Variants in ITPR1 observed in about 807,000 individuals in gnomAD.
ITPR1 encodes inositol 1,4,5-trisphosphate-gated calcium channel ITPR1.
Under a neutral mutation model 318.4 loss-of-function variants are expected in ITPR1, and 96 were observed. The observed-to-expected ratio is 0.30, with a 90% CI of 0.26 to 0.36. ITPR1 has a LOEUF of 0.36. Among genes scored for constraint, ITPR1 ranks in the 10% least tolerant of loss-of-function variants. ITPR1 has a pLI of 1.00. For missense variants in ITPR1, 2,440 were observed against 3,460.2 expected (o/e 0.71, Z 7.40); for synonymous variants, 1,312 against 1,289.9 (o/e 1.02, Z -0.37).
Position 4,644,119 on chromosome 3 carries a change from G to C in ITPR1, c.526-17G>C. 6.4e-7 allele frequency: 1 copy of C among 1,567,052 alleles called. No individual in the cohort carries two copies. The highest frequency in any genetic ancestry group is 1.7e-5 in the Admixed American group (1 of 58,412). ...TATCAGTTTTGTGCAAAGCTCTATTGCTCCTTTCCATTCCAGGTGGTCATA... is the reference window on the plus strand; with the variant it reads ...TATCAGTTTTGTGCAAAGCTCTATTCCTCCTTTCCATTCCAGGTGGTCATA... On this transcript the variant is annotated splice_polypyrimidine_tract_variant and intron_variant, in intron 7 of 61. Transcript: ENST00000649015.
intron 4 of ITPR1, among the ~76,000 whole-genome samples, chr3:4,580,137 G>A (rs983380973): frequency 2.0e-5 from 3 of 152,030 alleles, no homozygotes; most frequent in East Asian, 3.9e-4. Context: ...GTGAACCCGG[G>A]AGGCGGAGCT....
chr3:4,768,799 C>T (rs943785545), intron 46 of ITPR1, 35 bp downstream of exon 46: 18 of 1,581,584 alleles, frequency 1.1e-5, no homozygotes, highest in African/African-American at 5.4e-5. Context: ...GGAGGGAGCT[C>T]GGGAAAGGCT....
chr3:4,749,270 C>T (rs1006624451), intron 44 of ITPR1: 2 of 152,194 alleles, frequency 1.3e-5, no homozygotes, highest in Non-Finnish European at 2.9e-5. Flanking sequence ...GGCACCTTTT[C>T]AGTTGCTCAC....
At chr3:4,689,326 C>T (rs540384275) in intron 31 of ITPR1, among the ~76,000 whole-genome samples, 52 of 137,936 alleles carry the variant, frequency 3.8e-4, no homozygotes, top group Non-Finnish European at 5.8e-4. Context: ...CACTCACTCA[C>T]TCAGTAGTAC....
intron 44 of ITPR1, among the ~76,000 whole-genome samples, chr3:4,745,803 A>G (rs1015241538): frequency 1.3e-5 from 2 of 152,092 alleles, no homozygotes; most frequent in Non-Finnish European, 2.9e-5. Flanking sequence ...GGACCCCATG[A>G]CACTGTCATC....
intron 19 of ITPR1, among the ~76,000 whole-genome samples, chr3:4,670,293 T>A (rs572550380): frequency 1.1e-4 from 17 of 152,248 alleles, no homozygotes; most frequent in Non-Finnish European, 2.5e-4. Flanking sequence ...CGTCCTGAGC[T>A]AGTGATACTT....
intron 48 of ITPR1, 42 bp downstream of exon 48, chr3:4,777,416 G>GTCA: frequency 7.8e-7 from 1 of 1,280,408 alleles, no homozygotes; most frequent in South Asian, 1.3e-5. Flanking sequence ...TTTGGAAACA[G>GTCA]TCACTTTTGT....
At chr3:4,571,164 C>T (rs773387868) in intron 4 of ITPR1, among the ~76,000 whole-genome samples, 40 of 152,104 alleles carry the variant, frequency 2.6e-4, no homozygotes, top group Admixed American at 2.3e-3. Context: ...GGGGCAGAGC[C>T]GGCCTGCCCA....
chr3:4,553,005 A>G (rs2085725246), intron 4 of ITPR1, among the ~76,000 whole-genome samples: 1 of 152,224 alleles, frequency 6.6e-6, no homozygotes, highest in Non-Finnish European at 1.5e-5. Context: ...CGTTGACCCC[A>G]GCATCCCCAA....
At chr3:4,816,075 A>AT (rs1439012966) in intron 59 of ITPR1, 7 of 152,110 alleles carry the variant, frequency 4.6e-5, no homozygotes, top group Non-Finnish European at 7.3e-5. Context: ...TTTAGTACAC[A>AT]TTTCCTAAAA....
rs200496910 is a variant in ITPR1 at position 4,718,615 on chromosome 3, G to A, written c.5136+1216G>A. ...ACAGTGACTAAATCAGGACAAACAC[G>A]TGGCTGGCTTTCCTGATGTGCTTAC... is the stretch of plus-strand genomic sequence containing the variant. On this transcript the variant is annotated intron_variant, in intron 40 of 61. Transcript: ENST00000649015. 6.6e-5 allele frequency among the ~76,000 whole-genome samples: 10 copies of A among 152,192 alleles called. No individual in the cohort carries two copies. In the East Asian group the frequency reaches 9.6e-4, roughly 15 times the overall value.
chr3:4,643,562 C>T (rs548763270), intron 7 of ITPR1, among the ~76,000 whole-genome samples: 1 of 150,742 alleles, frequency 6.6e-6, no homozygotes, highest in South Asian at 2.1e-4. Flanking sequence ...AAAGATCAGA[C>T]TGTGTTACAT....
intron 4 of ITPR1, among the ~76,000 whole-genome samples, chr3:4,539,883 G>A (rs1264988242): frequency 6.6e-6 from 1 of 150,696 alleles, no homozygotes; most frequent in Non-Finnish European, 1.5e-5. Flanking sequence ...CTCTGACTTG[G>A]ATCTTCTTAC....
Position 4,645,651 on chromosome 3 carries a change from C to A in ITPR1, c.778C>A (p.Gln260Lys), listed in dbSNP as rs936157458. Residue 260 changes from glutamine (Q) to lysine (K), a missense_variant, in exon 10 of 62, where the codon CAG becomes AAG. Gln to Lys is a moderately conservative substitution (Grantham distance 53). Around this residue, in one of 23 missense-constraint regions of ITPR1, gnomAD observed 186 missense variants for 323.9 expected, o/e 0.57. Coordinates refer to ENST00000649015, the MANE Select transcript of ITPR1 (RefSeq NM_001378452.1). ...CACCTGTGACGAACACAGGAAGAAG[C>A]AGCACGTCTTCCTGAGAACCACGGG... Reference protein sequence around the residue: ...FLTCDEHRKKQHVFLRTTGRQ... With the variant: ...FLTCDEHRKKKHVFLRTTGRQ... 6.2e-7 allele frequency: 1 copy of A among 1,613,316 alleles called. No individual in the cohort carries two copies. Among genetic ancestry groups the A allele is most frequent in the Non-Finnish European group, 8.5e-7 (1 of 1,179,582 alleles).
intron 11 of ITPR1, among the ~76,000 whole-genome samples, chr3:4,652,730 T>G (rs1169848048): frequency 6.6e-6 from 1 of 152,176 alleles, no homozygotes; most frequent in African/African-American, 2.4e-5. Context: ...CTTAAATGTC[T>G]GTGAAGGGGC....
intron 44 of ITPR1, among the ~76,000 whole-genome samples, chr3:4,744,918 T>C (rs866389712): frequency 3.3e-5 from 1 of 30,520 alleles, no homozygotes; most frequent in African/African-American, 9.3e-5. Flanking sequence ...CCTTCCTTCC[T>C]TCCTTCCTTC....
intron 4 of ITPR1, among the ~76,000 whole-genome samples, chr3:4,569,519 C>T (rs1459849814): frequency 1.3e-5 from 2 of 152,188 alleles, no homozygotes; most frequent in African/African-American, 4.8e-5. Context: ...TGCTGATTCT[C>T]TGTGTTGGCC....
Position 4,768,542 on chromosome 3 carries a change from G to T in ITPR1, c.5757G>T (p.Glu1919Asp), listed in dbSNP as rs943033708. 1 of 1,613,562 alleles carries T rather than the reference G, an allele frequency of 6.2e-7. No individual in the cohort carries two copies. Among genetic ancestry groups the T allele is most frequent in the Non-Finnish European group, 8.5e-7 (1 of 1,179,618 alleles). The change falls in exon 46 of 62, where the codon GAG becomes GAT. Residue 1919 changes from glutamate (E) to aspartate (D), a missense_variant. By Grantham distance (45) the Glu-to-Asp change is conservative. Coordinates refer to ENST00000649015, the MANE Select transcript of ITPR1 (RefSeq NM_001378452.1). Reference protein sequence around the residue: ...AKEPTTQITEEVRDQLLEASA... With the variant: ...AKEPTTQITEDVRDQLLEASA... ...AGCCCACAACACAGATAACAGAAGA[G>T]GTCCGGGATCAGCTCCTGGAGGCCT...
intron 4 of ITPR1, among the ~76,000 whole-genome samples, chr3:4,586,927 CTCT>C (rs1487467860): frequency 1.6e-4 from 25 of 152,190 alleles, no homozygotes; most frequent in Admixed American, 1.4e-3. Flanking sequence ...GTTCATACAC[CTCT>C]TAGGTAGGTC....
Sources: gnomAD v4.1 joint callset for allele counts (sites outside exome capture counted in the v4.1 genomes callset) on GRCh38, gnomAD v4.1.1 for gene constraint, gnomAD v4.1.1 regional missense constraint, MANE v1.5 for transcripts, NCBI Gene and HGNC (gene_info 2026-07-23, HGNC 2026-07-21) for gene names.